The following RETREG1 variants were observed in gnomAD, a reference collection of about 807,000 sequenced individuals.
RETREG1 encodes reticulophagy regulator 1.
A neutral mutation model predicts 54.8 loss-of-function variants in RETREG1; 44 were observed. The ratio of observed to expected loss-of-function variants is 0.80; its 90% CI spans 0.63 to 1.03. RETREG1 has a LOEUF of 1.03. RETREG1 is among the 50% of genes least tolerant of loss of function. The pLI is 0.00. For missense variants in RETREG1, 554 were observed against 605.1 expected, an observed-to-expected ratio of 0.92 and a Z score of 0.89; for synonymous variants, 217 against 238.5, an observed-to-expected ratio of 0.91 and a Z score of 0.83.
In RETREG1 at chr5:16,606,492, G is replaced by A. The variant is rs148392244; in HGVS notation, c.320+10160C>T. On this transcript the variant is annotated intron_variant, in intron 1 of 8. Transcript: ENST00000306320. ...GTCTGTGTCACTGTAGTGACACGTGGATAATTCACCTGGTAAGCTACAGCC... is the reference window on the plus strand; with the variant it reads ...GTCTGTGTCACTGTAGTGACACGTGAATAATTCACCTGGTAAGCTACAGCC... 8.4e-3 allele frequency among the ~76,000 whole-genome samples: 1,273 copies of A among 152,232 alleles called. 4 individuals carry two copies. Among genetic ancestry groups the A allele is most frequent in the Non-Finnish European group, 0.013 (872 of 68,004 alleles).
intron 1 of RETREG1, among the ~76,000 whole-genome samples, chr5:16,580,107 C>T (rs537365817): frequency 1.3e-5 from 2 of 152,332 alleles, no homozygotes; most frequent in African/African-American, 2.4e-5. Flanking sequence ...TTGTTTGACA[C>T]GTCCTACATT....
intron 3 of RETREG1, among the ~76,000 whole-genome samples, chr5:16,503,251 C>A (rs1243507881): frequency 6.6e-6 from 1 of 152,188 alleles, no homozygotes; most frequent in East Asian, 1.9e-4. Flanking sequence ...CATTGTTCTA[C>A]ATGTTCTTAA....
intron 1 of RETREG1, among the ~76,000 whole-genome samples, chr5:16,599,115 C>T (rs894425588): frequency 2.6e-5 from 4 of 152,184 alleles, no homozygotes; most frequent in East Asian, 1.9e-4. Context: ...GGCTGATGGG[C>T]GAGGGCTGCT....
intron 3 of RETREG1, among the ~76,000 whole-genome samples, chr5:16,517,624 A>G (rs1484167715): frequency 6.6e-6 from 1 of 151,708 alleles, no homozygotes; most frequent in African/African-American, 2.4e-5. Context: ...ACCACCTCAG[A>G]CTCCATGCTG....
intron 3 of RETREG1, among the ~76,000 whole-genome samples, chr5:16,539,450 C>T (rs749489700): frequency 2.0e-5 from 3 of 152,102 alleles, no homozygotes; most frequent in Admixed American, 6.5e-5. Context: ...AAATAATTTC[C>T]AGAACATGTT....
intron 3 of RETREG1, among the ~76,000 whole-genome samples, chr5:16,534,010 A>T (rs1031411191): frequency 1.3e-5 from 2 of 152,082 alleles, no homozygotes; most frequent in Non-Finnish European, 2.9e-5. Flanking sequence ...GCTTCCAGGG[A>T]GCTCAGCTTC....
At position 16,527,800 on chromosome 5, in the gene RETREG1, A is replaced by ATTTTTTTTT. The variant is rs386403108; in HGVS notation, c.458+37954_458+37962dup. ...CTTAGTACAATTTCGAGGGACTCTA[A>ATTTTTTTTT]TTTTTTTTTTTTTTTTTTTTTTTTT... On this transcript the variant is annotated intron_variant, in intron 3 of 8. Transcript: ENST00000306320. Among the ~76,000 whole-genome samples, 195 of 66,256 alleles carry ATTTTTTTTT rather than the reference A, an allele frequency of 2.9e-3. 47 individuals are homozygous for ATTTTTTTTT. Among genetic ancestry groups the ATTTTTTTTT allele is most frequent in the Admixed American group, 5.4e-3 (23 of 4,262 alleles). 43.5% of individuals were successfully genotyped at this position (66,256 alleles called of 152,430 possible).
chr5:16,607,890 A>AT (rs1743239635), intron 1 of RETREG1, among the ~76,000 whole-genome samples: 1 of 123,490 alleles, frequency 8.1e-6, no homozygotes. Flanking sequence ...TTTTTTATTT[A>AT]TTTTTTTGAG....
intron 1 of RETREG1, among the ~76,000 whole-genome samples, chr5:16,607,863 C>G (rs551214448): frequency 1.3e-5 from 2 of 151,502 alleles, no homozygotes; most frequent in Admixed American, 1.3e-4. Context: ...CCCTCCCCTC[C>G]ACTCTCACTG....
At chr5:16,545,601 A>G (rs1382465357) in intron 3 of RETREG1, among the ~76,000 whole-genome samples, 1 of 152,136 alleles carries the variant, frequency 6.6e-6, no homozygotes, top group Non-Finnish European at 1.5e-5. Context: ...AGCAGCATCC[A>G]CTATCCTCCC....
chr5:16,565,724 T>G, intron 3 of RETREG1, 39 bp downstream of exon 3: 7 of 1,602,750 alleles, frequency 4.4e-6, no homozygotes, highest in Non-Finnish European at 6.0e-6. Context: ...TCCCTCACCC[T>G]CCCTCCATTA....
At chr5:16,486,554 G>A (rs568259935) in intron 3 of RETREG1, among the ~76,000 whole-genome samples, 33 of 152,334 alleles carry the variant, frequency 2.2e-4, no homozygotes, top group African/African-American at 6.0e-4. Context: ...GGTGAGGAAC[G>A]TGAAATCCAA....
chr5:16,572,604 G>A (rs569608847), intron 1 of RETREG1, among the ~76,000 whole-genome samples: 26 of 152,300 alleles, frequency 1.7e-4, no homozygotes, highest in Middle Eastern at 3.4e-3. Context: ...CTGAGCCTGC[G>A]CGCTTTTGTG....
At position 16,561,217 on chromosome 5, in the gene RETREG1, G is replaced by A. The variant is rs558768821; in HGVS notation, c.458+4546C>T. On this transcript the variant is annotated intron_variant, in intron 3 of 8. Coordinates refer to ENST00000306320, the MANE Select transcript of RETREG1 (RefSeq NM_001034850.3). The surrounding 1 kb of genome is among the most constrained non-coding windows in gnomAD (Gnocchi z 4.2). ...ACCCTTCCTATAAACGGTACTTCCC[G>A]CCGGGCGCAGTGGCTCACACCTGTA... 5.3e-5 allele frequency among the ~76,000 whole-genome samples: 8 copies of A among 152,248 alleles called. No homozygotes were observed. In the East Asian group the frequency reaches 1.4e-3, roughly 26 times the overall value.
chr5:16,615,847 T>A (rs559683494), intron 1 of RETREG1: 1 of 152,188 alleles, frequency 6.6e-6, no homozygotes, highest in Non-Finnish European at 1.5e-5. Context: ...GTGTAGGTCA[T>A]GTTTGTTATG....
intron 3 of RETREG1, among the ~76,000 whole-genome samples, chr5:16,550,905 A>G (rs1209452533): frequency 6.6e-6 from 1 of 152,184 alleles, no homozygotes; most frequent in East Asian, 1.9e-4. Context: ...GGGCAAATCC[A>G]TAGAGGGGGA....
At chr5:16,494,790 G>T (rs1049893932) in intron 3 of RETREG1, among the ~76,000 whole-genome samples, 15 of 152,172 alleles carry the variant, frequency 9.9e-5, no homozygotes, top group African/African-American at 3.6e-4. Context: ...TGGGGGCATT[G>T]CTGTAAAGAT....
At chr5:16,591,615 C>T (rs1742777324) in intron 1 of RETREG1, among the ~76,000 whole-genome samples, 3 of 152,202 alleles carry the variant, frequency 2.0e-5, no homozygotes, top group South Asian at 2.1e-4. Context: ...CCAGCAGGTC[C>T]GCAGATCTCT....
intron 3 of RETREG1, among the ~76,000 whole-genome samples, chr5:16,544,320 T>C (rs573701295): frequency 1.3e-5 from 2 of 152,346 alleles, no homozygotes; most frequent in African/African-American, 4.8e-5. Context: ...GGAAAAAATG[T>C]ATTTTATCAG....
Sources: gnomAD v4.1 joint callset for allele counts (sites outside exome capture counted in the v4.1 genomes callset) on GRCh38, gnomAD v4.1.1 for gene constraint, Gnocchi (gnomAD v3.1) non-coding constraint, MANE v1.5 for transcripts, NCBI Gene and HGNC (gene_info 2026-07-23, HGNC 2026-07-21) for gene names.